The following ADK variants were observed in gnomAD, a reference collection of about 807,000 sequenced individuals.
ADK encodes the protein N6,N6-dimethyladenosine kinase.
In ADK, 24 loss-of-function variants were observed where a neutral mutation model predicts 44.7. The observed-to-expected ratio is 0.54, with a 90% CI of 0.39 to 0.76. The LOEUF is 0.76. ADK is among the 30% of genes least tolerant of loss of function. The probability of loss-of-function intolerance (pLI) is 0.00; values close to 1 mark genes in which losing one functional copy is unlikely to be tolerated. For synonymous variants in ADK, 128 were observed against 142.6 expected, an observed-to-expected ratio of 0.90 and a Z score of 0.73; for missense variants, 321 against 425.1, an observed-to-expected ratio of 0.76 and a Z score of 2.15.
At chr10:74,695,666 C>T (rs1341867396) in intron 10 of ADK, among the ~76,000 whole-genome samples, 2 of 150,510 alleles carry the variant, frequency 1.3e-5, no homozygotes, top group African/African-American at 2.4e-5. Flanking sequence ...GTGAAGATCT[C>T]GCACTGTTGC....
chr10:74,229,259 T>A (rs1844657757), intron 3 of ADK, among the ~76,000 whole-genome samples: 2 of 152,172 alleles, frequency 1.3e-5, no homozygotes, highest in Admixed American at 1.3e-4. Context: ...CAGGATATGA[T>A]CTTTGGTGCA....
intron 9 of ADK, chr10:74,661,408 G>GAGGCTCACAGAGTT: frequency 1.3e-5 from 4 of 300,012 alleles, no homozygotes; most frequent in Non-Finnish European, 2.0e-5. Flanking sequence ...GACAAACTCT[G>GAGGCTCACAGAGTT]TGAGCCTCAG....
chr10:74,216,905 G>A (rs1844062260), intron 2 of ADK, among the ~76,000 whole-genome samples: 1 of 152,164 alleles, frequency 6.6e-6, no homozygotes, highest in East Asian at 1.9e-4. Context: ...TGGCCGAATA[G>A]GAACAGCTCC....
intron 10 of ADK, 38 bp from the exon 11 acceptor site, chr10:74,708,283 A>T: frequency 1.3e-6 from 2 of 1,599,392 alleles, no homozygotes; most frequent in Non-Finnish European, 1.7e-6. Context: ...TGCTGCTGTT[A>T]TACAATACTC....
At chr10:74,605,662 A>G (rs962312577) in intron 9 of ADK, among the ~76,000 whole-genome samples, 1 of 152,074 alleles carries the variant, frequency 6.6e-6, no homozygotes. Context: ...TTTATTGAGG[A>G]CTTTTGCATC....
intron 7 of ADK, among the ~76,000 whole-genome samples, chr10:74,541,593 T>C (rs1275209083): frequency 3.3e-5 from 5 of 152,078 alleles, no homozygotes; most frequent in Non-Finnish European, 7.4e-5. Flanking sequence ...AGGAATACCA[T>C]AGAAACAGCC....
intron 9 of ADK, among the ~76,000 whole-genome samples, chr10:74,664,756 C>T (rs1401673739): frequency 2.0e-5 from 3 of 152,050 alleles, no homozygotes; most frequent in Admixed American, 6.6e-5. Context: ...GGAAGGATAT[C>T]GCTTGAACCT....
chr10:74,684,409 T>C (rs1025070968), intron 10 of ADK, among the ~76,000 whole-genome samples: 4 of 152,188 alleles, frequency 2.6e-5, no homozygotes, highest in South Asian at 2.1e-4. Context: ...TCTGTACTTA[T>C]ACTAGCAGAA....
intron 3 of ADK, among the ~76,000 whole-genome samples, chr10:74,259,694 T>G (rs918833676): frequency 1.3e-5 from 2 of 151,990 alleles, no homozygotes; most frequent in African/African-American, 4.8e-5. Context: ...CCTGACCTCG[T>G]GATCCGTCTG....
chr10:74,260,795 A>T (rs1164780786), intron 3 of ADK, among the ~76,000 whole-genome samples: 3 of 152,188 alleles, frequency 2.0e-5, no homozygotes, highest in African/African-American at 7.2e-5. Context: ...AATGCTAAGA[A>T]CTTGTTTGTG....
At chr10:74,575,640 A>G (rs1375504430) in intron 7 of ADK, among the ~76,000 whole-genome samples, 2 of 152,196 alleles carry the variant, frequency 1.3e-5, no homozygotes, top group Admixed American at 6.5e-5. Flanking sequence ...TGGTACGTAT[A>G]TAAGGGAATA....
At chr10:74,330,385 T>G (rs1215340553) in intron 4 of ADK, among the ~76,000 whole-genome samples, 2 of 152,064 alleles carry the variant, frequency 1.3e-5, no homozygotes, top group Non-Finnish European at 2.9e-5. Flanking sequence ...GAATAGCCAT[T>G]TTACTCTATC....
chr10:74,199,492 T>C (rs567688891), intron 1 of ADK, among the ~76,000 whole-genome samples: 1 of 152,310 alleles, frequency 6.6e-6, no homozygotes, highest in South Asian at 2.1e-4. Context: ...TTCAGCTGCA[T>C]CCATATTGCT....
chr10:74,230,475 C>CT lies in ADK; in HGVS notation c.194+5898dup, dbSNP rs201068955. On this transcript the variant is annotated intron_variant, in intron 3 of 10. Coordinates refer to ENST00000539909, the MANE Select transcript of ADK (RefSeq NM_006721.4). ...CCAAGCAGTTCTCTAAGTATATAGT[C>CT]TTTTTTTTTTTTTTGAAACAGGGTC... Among the ~76,000 whole-genome samples the CT allele has an allele frequency of 2.9e-3, 413 of 142,708 alleles. 1 individual carries two copies. Among genetic ancestry groups the CT allele is most frequent in the Middle Eastern group, 0.014 (4 of 282 alleles). The allele number at this position is 142,708 out of a possible 152,430, so 93.6% of individuals were successfully genotyped here.
At chr10:74,527,372 CAAA>C (rs35990549) in intron 7 of ADK, among the ~76,000 whole-genome samples, 41 of 138,680 alleles carry the variant, frequency 3.0e-4, no homozygotes, top group Middle Eastern at 3.7e-3. Context: ...AACAAACAAA[CAAA>C]AAAAAAAAAA....
chr10:74,525,024 A>G (rs1357733479), intron 6 of ADK, among the ~76,000 whole-genome samples: 1 of 152,218 alleles, frequency 6.6e-6, no homozygotes, highest in African/African-American at 2.4e-5. Context: ...TATTGAGCAT[A>G]TAAACCTAGT....
At chr10:74,644,619 G>A (rs1190071482) in intron 9 of ADK, among the ~76,000 whole-genome samples, 8 of 152,064 alleles carry the variant, frequency 5.3e-5, no homozygotes, top group Non-Finnish European at 1.0e-4. Context: ...CTGTAACCTC[G>A]AACTCCTGGG....
chr10:74,226,663 C>A (rs922872046), intron 3 of ADK, among the ~76,000 whole-genome samples: 5 of 151,512 alleles, frequency 3.3e-5, no homozygotes, highest in Non-Finnish European at 5.9e-5. Flanking sequence ...TTAGTTTCAC[C>A]TGTTCTAAAA....
At chr10:74,543,221 A>G (rs959455947) in intron 7 of ADK, among the ~76,000 whole-genome samples, 2 of 151,760 alleles carry the variant, frequency 1.3e-5, no homozygotes, top group African/African-American at 4.8e-5. Flanking sequence ...AAAAAAAAAA[A>G]AAAACTGAGA....
Sources: allele counts gnomAD v4.1 joint callset (sites outside exome capture counted in the v4.1 genomes callset), GRCh38; gene constraint gnomAD v4.1.1; transcripts MANE v1.5; gene names NCBI Gene and HGNC (gene_info 2026-07-23, HGNC 2026-07-21).